The following NCKAP5 variants were observed in gnomAD, a reference collection of about 807,000 sequenced individuals.
NCKAP5 encodes the protein nck-associated protein 5.
NCKAP5 carries 92 observed loss-of-function variants against 167.0 expected under a neutral mutation model. The ratio of observed to expected loss-of-function variants is 0.55; its 90% confidence interval spans 0.47 to 0.66. The LOEUF (loss-of-function observed/expected upper bound fraction) is 0.66. NCKAP5 is among the 30% of genes least tolerant of loss of function. The pLI is 0.00. For synonymous variants in NCKAP5, 891 were observed against 877.4 expected, an observed-to-expected ratio of 1.02 and a Z score of -0.27; for missense variants, 2,378 against 2,315.0, an observed-to-expected ratio of 1.03 and a Z score of -0.56.
Position 133,288,549 on chromosome 2 carries a change from T to A in NCKAP5, c.143+14488A>T, listed in dbSNP as rs145256595. On this transcript the variant is annotated intron_variant, in intron 4 of 19. Transcript: ENST00000409261. ...CATAACCTCAGAGTTGCTGCTCTGT[T>A]TTTTAATATTGTACAATTAACTTTT... 2.3e-4 allele frequency among the ~76,000 whole-genome samples: 35 copies of A among 152,256 alleles called. No homozygotes were observed. In the East Asian group the frequency reaches 6.6e-3, roughly 29 times the overall value.
At chr2:132,844,295 T>C (rs1330499333) in intron 11 of NCKAP5, among the ~76,000 whole-genome samples, 2 of 152,270 alleles carry the variant, frequency 1.3e-5, no homozygotes, top group East Asian at 3.9e-4. Flanking sequence ...TTTTTAACTG[T>C]GTAAGTAACA....
At chr2:133,627,403 T>C in the NCKAP5 span, among the ~76,000 whole-genome samples, 11 of 152,222 alleles carry the variant, frequency 7.2e-5, no homozygotes, top group African/African-American at 2.4e-4. Flanking sequence ...TGTTTTTATA[T>C]AGACACTAAC....
At chr2:133,480,011 T>C (rs1029884001) in intron 3 of NCKAP5, among the ~76,000 whole-genome samples, 5 of 150,794 alleles carry the variant, frequency 3.3e-5, no homozygotes, top group African/African-American at 1.2e-4. Context: ...TGCTCACTGC[T>C]ACCTCCACCT....
the NCKAP5 span, among the ~76,000 whole-genome samples, chr2:133,623,374 G>A: frequency 1.3e-5 from 2 of 152,120 alleles, no homozygotes; most frequent in East Asian, 1.9e-4. Flanking sequence ...AACCCAGAGG[G>A]GGAGAAAATC....
intron 7 of NCKAP5, among the ~76,000 whole-genome samples, chr2:132,983,761 G>T (rs1431221633): frequency 6.6e-6 from 1 of 152,138 alleles, no homozygotes; most frequent in East Asian, 1.9e-4. Context: ...CCCTTTCAGG[G>T]CCTAGGAGCT....
intron 8 of NCKAP5, among the ~76,000 whole-genome samples, chr2:132,946,332 C>T (rs929639841): frequency 3.9e-5 from 6 of 152,182 alleles, no homozygotes; most frequent in Non-Finnish European, 5.9e-5. Flanking sequence ...GCAATTGATA[C>T]TGTATCTAGA....
At chr2:133,548,157 G>A (rs1686918813) in intron 2 of NCKAP5, among the ~76,000 whole-genome samples, 1 of 151,308 alleles carries the variant, frequency 6.6e-6, no homozygotes, top group African/African-American at 2.4e-5. Context: ...ATGAAATGAA[G>A]CGAGAAGGGA....
intron 19 of NCKAP5, among the ~76,000 whole-genome samples, chr2:132,721,027 A>AAG (rs397767487): frequency 6.7e-6 from 1 of 149,510 alleles, no homozygotes; most frequent in Admixed American, 6.6e-5. Flanking sequence ...AAAAAAAAAA[A>AAG]TGCTGTGCAC....
chr2:132,864,329 G>T (rs1460472105), intron 10 of NCKAP5, among the ~76,000 whole-genome samples: 1 of 144,834 alleles, frequency 6.9e-6, no homozygotes. Context: ...TAATGCCAAA[G>T]ATTTGACTAC....
At chr2:133,368,070 T>C (rs1172950882) in intron 3 of NCKAP5, among the ~76,000 whole-genome samples, 1 of 152,084 alleles carries the variant, frequency 6.6e-6, no homozygotes, top group Non-Finnish European at 1.5e-5. Flanking sequence ...ATACAGAAGG[T>C]AGAAAGAGCT....
chr2:133,000,758 C>A (rs1216522975), intron 6 of NCKAP5, among the ~76,000 whole-genome samples: 3 of 152,110 alleles, frequency 2.0e-5, no homozygotes, highest in African/African-American at 4.8e-5. Flanking sequence ...CATCAACATA[C>A]AACTATCCTA....
chr2:132,969,734 G>T (rs896201556), intron 7 of NCKAP5, among the ~76,000 whole-genome samples: 1 of 152,050 alleles, frequency 6.6e-6, no homozygotes, highest in Non-Finnish European at 1.5e-5. Context: ...TGATGTGCTC[G>T]TGACAAAGAG....
In NCKAP5 at chr2:132,784,438, G is replaced by A. The variant is rs1477650512; in HGVS notation, c.2373C>T (p.Pro791=). The change falls in exon 14 of 20, where the codon CCC becomes CCT. Residue 791 remains proline, a synonymous_variant. Transcript: ENST00000409261. The stretch of plus-strand genomic sequence containing the variant: ...GATTTTGCTTTTGATAGATGCCCAT[G>A]GGTGCCGAAGACCTGGAATTACTCT... ...SCQSNSRSSA[P]MGIYQKQNLT... 5 of 1,610,258 alleles carry A rather than the reference G, an allele frequency of 3.1e-6. No individual in the cohort carries two copies. Among genetic ancestry groups the A allele is most frequent in the Non-Finnish European group, 3.4e-6 (4 of 1,178,540 alleles).
At chr2:132,976,590 G>GAAAGAGTA (rs1282936895) in intron 7 of NCKAP5, among the ~76,000 whole-genome samples, 1 of 147,948 alleles carries the variant, frequency 6.8e-6, no homozygotes. Context: ...AAAAGAAGAA[G>GAAAGAGTA]AAAGAGTAAG....
At chr2:133,385,209 G>C (rs545237794) in intron 3 of NCKAP5, among the ~76,000 whole-genome samples, 7 of 152,282 alleles carry the variant, frequency 4.6e-5, no homozygotes, top group African/African-American at 1.7e-4. Context: ...TTATTATTTT[G>C]AGATACATCC....
chr2:132,791,503 T>C (rs1319532328), intron 12 of NCKAP5, among the ~76,000 whole-genome samples: 1 of 152,220 alleles, frequency 6.6e-6, no homozygotes, highest in Non-Finnish European at 1.5e-5. Flanking sequence ...CTCTACAAAC[T>C]GGACAGGCTA....
At chr2:132,713,387 AGG>A (rs1190821251) in intron 19 of NCKAP5, among the ~76,000 whole-genome samples, 2 of 17,260 alleles carry the variant, frequency 1.2e-4, no homozygotes, top group African/African-American at 6.8e-4. Context: ...CAGTATCTGG[AGG>A]AAGATATCTC....
intron 8 of NCKAP5, among the ~76,000 whole-genome samples, chr2:132,881,073 G>C (rs1691710353): frequency 6.6e-6 from 1 of 152,182 alleles, no homozygotes; most frequent in Non-Finnish European, 1.5e-5. Flanking sequence ...GTCATTGATA[G>C]CAATTTTTTT....
chr2:132,859,906 C>T (rs1283981904), intron 11 of NCKAP5, among the ~76,000 whole-genome samples: 2 of 152,140 alleles, frequency 1.3e-5, no homozygotes, highest in African/African-American at 2.4e-5. Flanking sequence ...TTCAAATCGA[C>T]TCAAATGGCT....
Sources: allele counts gnomAD v4.1 joint callset (sites outside exome capture counted in the v4.1 genomes callset), GRCh38; gene constraint gnomAD v4.1.1; transcripts MANE v1.5; gene names NCBI Gene and HGNC (gene_info 2026-07-23, HGNC 2026-07-21).